Variants in DYNC2H1 observed in about 807,000 individuals in gnomAD.
DYNC2H1 encodes the protein cytoplasmic dynein 2 heavy chain 1.
A neutral mutation model predicts 570.0 loss-of-function variants in DYNC2H1; 410 were observed. The observed-to-expected ratio is 0.72, with a 90% CI of 0.66 to 0.78. The LOEUF is 0.78. Ranked by LOEUF, DYNC2H1 falls within the 30% of genes least tolerant of loss-of-function variation. The pLI, the probability that DYNC2H1 is intolerant of heterozygous loss-of-function variation, is 0.00. For missense variants in DYNC2H1, 4,865 were observed against 5,046.4 expected (o/e 0.96, Z 1.09); for synonymous variants, 1,688 against 1,677.6 (o/e 1.01, Z -0.15).
intron 84 of DYNC2H1, chr11:103,403,500 T>A (rs1326121863): frequency 6.6e-6 from 1 of 151,924 alleles, no homozygotes; most frequent in East Asian, 1.9e-4. Flanking sequence ...GATATTATAG[T>A]GTGGTTGTGG....
At chr11:103,464,572 G>A (rs1945132339) in intron 87 of DYNC2H1, among the ~76,000 whole-genome samples, 1 of 152,104 alleles carries the variant, frequency 6.6e-6, no homozygotes, top group Non-Finnish European at 1.5e-5. Flanking sequence ...AAAGTTACCA[G>A]ATAAAACATC....
At position 103,334,931 on chromosome 11, in the gene DYNC2H1, CAAAT is replaced by C. The variant is rs748100946; in HGVS notation, c.12039+10945_12039+10948del. On this transcript the variant is annotated intron_variant, in intron 82 of 88. Coordinates refer to ENST00000375735, the MANE Select transcript of DYNC2H1 (RefSeq NM_001377.3). The surrounding 1 kb of genome is among the most constrained non-coding windows in gnomAD (Gnocchi z 4.3). ...CAGCTGTAAAATGAACCTTTTTAAA[CAAAT>C]AAAAAACACCAGAGAAACCAAATGT... Among the ~76,000 whole-genome samples the C allele has an allele frequency of 2.0e-5, 3 of 152,078 alleles. No homozygotes were observed. Among genetic ancestry groups the C allele is most frequent in the Non-Finnish European group, 2.9e-5 (2 of 67,910 alleles).
At position 103,121,223 on chromosome 11, in the gene DYNC2H1, T is replaced by C. The variant is rs138838329; in HGVS notation, c.1361-149T>C. The C allele has an allele frequency of 4.7e-5, 47 of 1,004,536 alleles. No homozygotes were observed. The East Asian group carries it at 1.3e-3, about 28-fold the overall frequency. The allele number at this position is 1,004,536 out of a possible 1,614,324, so 62.2% of individuals were successfully genotyped here. A position where few individuals can be genotyped will look rare whatever the true frequency, so the allele number is the denominator to read the frequency against. ...TAACAAGTTATTATAATTCGCTGTTTCATTTGATACATGGTACAGTCCTTG... is the reference window on the plus strand; with the variant it reads ...TAACAAGTTATTATAATTCGCTGTTCCATTTGATACATGGTACAGTCCTTG... On this transcript the variant is annotated intron_variant, in intron 9 of 88. Transcript: ENST00000375735.
rs1157283264 is a variant in DYNC2H1, at chr11:103,446,530, G to C, written c.12457-8656G>C. ...TGAAGTTCTAAAGAATGAAAGCCTGGTCATATGAGTTTAAAAAAGAATAAG... is the reference window on the plus strand; with the variant it reads ...TGAAGTTCTAAAGAATGAAAGCCTGCTCATATGAGTTTAAAAAAGAATAAG... On this transcript the variant is annotated intron_variant, in intron 85 of 88. Coordinates refer to ENST00000375735, the MANE Select transcript of DYNC2H1 (RefSeq NM_001377.3). This position sits in a 1 kb window ranked among gnomAD's most constrained non-coding sequence, Gnocchi z 4.5. Among the ~76,000 whole-genome samples, 1 of 152,118 alleles carries C rather than the reference G, an allele frequency of 6.6e-6. No homozygotes were observed. The highest frequency in any genetic ancestry group is 2.4e-5 in the African/African-American group (1 of 41,426).
intron 46 of DYNC2H1, 54 bp downstream of exon 46, chr11:103,191,673 C>T (rs572599688): frequency 9.5e-7 from 1 of 1,050,670 alleles, no homozygotes; most frequent in Non-Finnish European, 1.3e-6. Context: ...CACATTTATT[C>T]TCTAGATTGT....
At chr11:103,238,967 A>G (rs1297568969) in intron 63 of DYNC2H1, among the ~76,000 whole-genome samples, 2 of 152,118 alleles carry the variant, frequency 1.3e-5, no homozygotes, top group Non-Finnish European at 2.9e-5. Context: ...TTCACTCTCA[A>G]CAGTGTCCTG....
At chr11:103,270,777 C>T (rs995327402) in intron 70 of DYNC2H1, among the ~76,000 whole-genome samples, 2 of 152,270 alleles carry the variant, frequency 1.3e-5, no homozygotes, top group South Asian at 2.1e-4. Flanking sequence ...CATCATGTTA[C>T]TCAGAATGGC....
At chr11:103,265,954 C>T (rs1006131976) in intron 70 of DYNC2H1, among the ~76,000 whole-genome samples, 1 of 152,104 alleles carries the variant, frequency 6.6e-6, no homozygotes, top group African/African-American at 2.4e-5. Context: ...GCTCATCTCC[C>T]ATTTCCTGGA....
In DYNC2H1 at chr11:103,185,213, T is replaced by A. The variant is rs560396651; in HGVS notation, c.6633+162T>A. On this transcript the variant is annotated intron_variant, in intron 41 of 88. Coordinates refer to ENST00000375735, the MANE Select transcript of DYNC2H1 (RefSeq NM_001377.3). This position sits in a 1 kb window ranked among gnomAD's most constrained non-coding sequence, Gnocchi z 4.5. ...TGTATTTATGTATGTGTATTTATAT[T>A]TTCTCCTTTGAGTTATTTTATGATG... is the stretch of plus-strand genomic sequence containing the variant. Among the ~76,000 whole-genome samples, 1 of 152,026 alleles carries A rather than the reference T, an allele frequency of 6.6e-6. No individual in the cohort carries two copies. The highest frequency in any genetic ancestry group is 1.9e-4 in the East Asian group (1 of 5,194).
At chr11:103,386,419 C>A (rs1941874383) in intron 83 of DYNC2H1, among the ~76,000 whole-genome samples, 1 of 151,836 alleles carries the variant, frequency 6.6e-6, no homozygotes, top group South Asian at 2.1e-4. Flanking sequence ...TCTTTGAGAG[C>A]AGTTGGGCTC....
intron 17 of DYNC2H1, among the ~76,000 whole-genome samples, chr11:103,136,928 T>G (rs1334568131): frequency 1.5e-4 from 23 of 151,772 alleles, no homozygotes; most frequent in African/African-American, 5.1e-4. Context: ...CTAACTGGTG[T>G]GAGATGGTAT....
At chr11:103,263,901 A>G (rs543506913) in intron 70 of DYNC2H1, among the ~76,000 whole-genome samples, 5 of 152,334 alleles carry the variant, frequency 3.3e-5, no homozygotes, top group African/African-American at 1.2e-4. Flanking sequence ...AACTCTTAAA[A>G]AAATCAATGA....
intron 75 of DYNC2H1, among the ~76,000 whole-genome samples, chr11:103,295,871 C>A (rs1472254589): frequency 6.6e-6 from 1 of 152,154 alleles, no homozygotes; most frequent in Non-Finnish European, 1.5e-5. Context: ...TTGTTCCGGG[C>A]CCAGTCTCAG....
Position 103,152,388 on chromosome 11 carries a change from T to G in DYNC2H1, c.3096+103T>G, listed in dbSNP as rs953418853. ...ATAGCCCAGGTTTATAATAATTTAA[T>G]GTGGCTGTTGAAATTGACCTCCCTG... On this transcript the variant is annotated intron_variant, in intron 21 of 88. Coordinates refer to ENST00000375735, the MANE Select transcript of DYNC2H1 (RefSeq NM_001377.3). 4 of 1,120,214 alleles carry G rather than the reference T, an allele frequency of 3.6e-6. No individual in the cohort carries two copies. The South Asian group carries it at 5.0e-5, about 14-fold the overall frequency. 69.4% of individuals were successfully genotyped at this position (1,120,214 alleles called of 1,614,324 possible).
intron 73 of DYNC2H1, among the ~76,000 whole-genome samples, chr11:103,285,653 G>A (rs1866323567): frequency 6.6e-6 from 1 of 151,876 alleles, no homozygotes; most frequent in South Asian, 2.1e-4. Context: ...TCAAACTCCT[G>A]ACCTCAGGTG....
chr11:103,337,638 G>A (rs893050741), intron 82 of DYNC2H1, among the ~76,000 whole-genome samples: 3 of 152,170 alleles, frequency 2.0e-5, no homozygotes, highest in African/African-American at 7.2e-5. Flanking sequence ...GAGTAGTGAT[G>A]TTGAGGATTG....
At chr11:103,312,471 G>A (rs1867638830) in intron 79 of DYNC2H1, among the ~76,000 whole-genome samples, 1 of 146,704 alleles carries the variant, frequency 6.8e-6, no homozygotes, top group Non-Finnish European at 1.5e-5. Context: ...GAACCCAGGA[G>A]GCAGAGGTTG....
intron 84 of DYNC2H1, among the ~76,000 whole-genome samples, chr11:103,409,163 G>A (rs568013452): frequency 6.6e-5 from 10 of 152,090 alleles, no homozygotes; most frequent in African/African-American, 1.2e-4. Context: ...AAGATTTGCC[G>A]AGTTCCTTTT....
chr11:103,291,022 G>A (rs1321015467), intron 75 of DYNC2H1, among the ~76,000 whole-genome samples: 1 of 152,166 alleles, frequency 6.6e-6, no homozygotes, highest in Non-Finnish European at 1.5e-5. Context: ...TGGGGGAGTG[G>A]TTATTACCAG....
Sources: allele counts gnomAD v4.1 joint callset (sites outside exome capture counted in the v4.1 genomes callset), GRCh38; gene constraint gnomAD v4.1.1; non-coding constraint Gnocchi (gnomAD v3.1); transcripts MANE v1.5; gene names NCBI Gene and HGNC (gene_info 2026-07-23, HGNC 2026-07-21).